Variants in B3GALNT2 observed in about 807,000 individuals in gnomAD.
B3GALNT2 encodes beta-1,3-N-acetylgalactosaminyltransferase 2.
B3GALNT2 carries 53 observed loss-of-function variants against 61.1 expected under a neutral mutation model. The ratio of observed to expected loss-of-function variants is 0.87; its 90% CI spans 0.70 to 1.09. B3GALNT2 has a LOEUF of 1.09. Ranked by LOEUF, B3GALNT2 falls within the 50% of genes least tolerant of loss-of-function variation. B3GALNT2 has a pLI of 0.00. For missense variants in B3GALNT2, 544 were observed against 623.0 expected (o/e 0.87, Z 1.35); for synonymous variants, 223 against 237.4 (o/e 0.94, Z 0.56).
chr1:235,455,463 T>C (rs1044554975), intron 9 of B3GALNT2, 96 bp downstream of exon 9: 5 of 1,348,286 alleles, frequency 3.7e-6, no homozygotes, highest in Non-Finnish European at 5.1e-6. Flanking sequence ...ATTGTATATC[T>C]CAACCACATT....
Position 235,489,159 on chromosome 1 carries a change from A to C in B3GALNT2, c.361+9T>G. 6.2e-7 allele frequency: 1 copy of C among 1,613,416 alleles called. No individual in the cohort carries two copies. The highest frequency in any genetic ancestry group is 2.2e-5 in the East Asian group (1 of 44,880). Reference sequence around the variant, plus strand: ...TTGTGTATGGCAGTCAAGGGAAAAGATGACTTACCTGGATTTGTGATGTTG... The same window carrying C: ...TTGTGTATGGCAGTCAAGGGAAAAGCTGACTTACCTGGATTTGTGATGTTG... On this transcript the variant is annotated intron_variant, in intron 3 of 11. Transcript: ENST00000366600.
intron 7 of B3GALNT2, among the ~76,000 whole-genome samples, chr1:235,461,662 G>A (rs1015708069): frequency 7.9e-5 from 12 of 151,792 alleles, no homozygotes; most frequent in Non-Finnish European, 2.9e-5. Context: ...GATTACAGGC[G>A]TGCGCCACCA....
At position 235,469,719 on chromosome 1, in the gene B3GALNT2, A is replaced by ATT. The variant is rs34811873; in HGVS notation, c.762+1129_762+1130dup. 7.7e-4 allele frequency among the ~76,000 whole-genome samples: 110 copies of ATT among 142,656 alleles called. 2 individuals are homozygous for ATT. The highest frequency in any genetic ancestry group is 6.4e-4 in the Admixed American group (9 of 14,148). The allele number at this position is 142,656 out of a possible 152,430, so 93.6% of individuals were successfully genotyped here. On this transcript the variant is annotated intron_variant, in intron 6 of 11. Transcript: ENST00000366600. ...AGGCATGCACCACCAGGCCCAGCTA[A>ATT]TTTTTTTTTTTTTTGGATTTTTAGT...
chr1:235,440,184 A>T, the B3GALNT2 span, among the ~76,000 whole-genome samples: 1 of 151,710 alleles, frequency 6.6e-6, no homozygotes, highest in Non-Finnish European at 1.5e-5. Flanking sequence ...GTTAGCCAGG[A>T]TGGTCTCGAT....
At chr1:235,484,589 G>A (rs1184698391) in intron 3 of B3GALNT2, 74 bp from the exon 4 acceptor site, 45 of 1,456,400 alleles carry the variant, frequency 3.1e-5, no homozygotes, top group Non-Finnish European at 3.9e-5. Context: ...GTAGTGAAGT[G>A]GGCTTAATGC....
At chr1:235,458,329 G>A (rs537410180) in intron 8 of B3GALNT2, among the ~76,000 whole-genome samples, 1 of 152,244 alleles carries the variant, frequency 6.6e-6, no homozygotes, top group East Asian at 1.9e-4. Context: ...GGTGCTCAGT[G>A]TCCTTAGGTT....
intron 3 of B3GALNT2, among the ~76,000 whole-genome samples, chr1:235,488,828 T>G (rs1572547181): frequency 1.3e-5 from 2 of 150,508 alleles, no homozygotes; most frequent in Non-Finnish European, 1.5e-5. Context: ...CTGAGGCTGG[T>G]GGATCCCTTG....
intron 2 of B3GALNT2, among the ~76,000 whole-genome samples, chr1:235,491,898 C>G (rs1404604088): frequency 6.6e-6 from 1 of 152,148 alleles, no homozygotes; most frequent in Non-Finnish European, 1.5e-5. Flanking sequence ...CTTCCCCCAC[C>G]ACCACAAGCC....
Position 235,504,335 on chromosome 1 carries a change from C to T in B3GALNT2, c.-83G>A. On this transcript the variant is annotated 5_prime_UTR_variant, in exon 1 of 12. Transcript: ENST00000366600. ...TGCAAGTGCGGAGACTGAGGGGCGG[C>T]GGCTGACGAGCGACCACTCCGAGCA... 7.1e-7 allele frequency: 1 copy of T among 1,402,526 alleles called. No homozygotes were observed. Among genetic ancestry groups the T allele is most frequent in the South Asian group, 1.4e-5 (1 of 72,574 alleles). 86.9% of individuals were successfully genotyped at this position (1,402,526 alleles called of 1,614,324 possible). A position where few individuals can be genotyped will look rare whatever the true frequency, so the allele number is the denominator to read the frequency against.
At chr1:235,463,733 A>G (rs1038372817) in intron 7 of B3GALNT2, 2 of 151,684 alleles carry the variant, frequency 1.3e-5, no homozygotes, top group African/African-American at 4.8e-5. Context: ...TGCCTGGCTA[A>G]TTTTTTTGTA....
At chr1:235,467,525 C>T (rs1683762406) in intron 6 of B3GALNT2, among the ~76,000 whole-genome samples, 1 of 150,982 alleles carries the variant, frequency 6.6e-6, no homozygotes, top group Admixed American at 6.6e-5. Context: ...GCTCTTGTCC[C>T]CCAGGCTGGA....
rs532626794 is a variant in B3GALNT2, at chr1:235,454,434, A to G, written c.1152-119T>C. ...AAGCTTGTAGAAGTGAGGAAAGAAA[A>G]TAAGAAAATTTCTTTTTTTTTGAGA... On this transcript the variant is annotated intron_variant, in intron 9 of 11. Coordinates refer to ENST00000366600, the MANE Select transcript of B3GALNT2 (RefSeq NM_152490.5). 4 of 1,083,024 alleles carry G rather than the reference A, an allele frequency of 3.7e-6. No homozygotes were observed. The Admixed American group carries it at 1.2e-4, about 33-fold the overall frequency. The allele number at this position is 1,083,024 out of a possible 1,614,324, so 67.1% of individuals were successfully genotyped here. A position where few individuals can be genotyped will look rare whatever the true frequency, so the allele number is the denominator to read the frequency against.
downstream of B3GALNT2, among the ~76,000 whole-genome samples, chr1:235,443,979 G>C (rs1682072279): frequency 6.6e-6 from 1 of 152,160 alleles, no homozygotes; most frequent in Non-Finnish European, 1.5e-5. Context: ...TTGATTCATA[G>C]CTAAATGCTA....
At chr1:235,488,814 G>A (rs976094012) in intron 3 of B3GALNT2, among the ~76,000 whole-genome samples, 1 of 151,790 alleles carries the variant, frequency 6.6e-6, no homozygotes, top group African/African-American at 2.4e-5. Flanking sequence ...AGTGCTTTGG[G>A]ATGCTGAGGC....
chr1:235,465,604 T>G (rs748079013), intron 7 of B3GALNT2, 32 bp downstream of exon 7: 51 of 1,611,758 alleles, frequency 3.2e-5, no homozygotes, highest in Non-Finnish European at 3.9e-5. Context: ...AGACATTCAG[T>G]GTACTTTTCA....
chr1:235,450,435 G>A lies in B3GALNT2; in HGVS notation c.1369-95C>T, dbSNP rs1438246478. On this transcript the variant is annotated intron_variant, in intron 11 of 11. Coordinates refer to ENST00000366600, the MANE Select transcript of B3GALNT2 (RefSeq NM_152490.5). ...GTAGACAGCTTTTATGTATTCTAAT[G>A]ATGCTGAAATTATTTCAAGGATAAC... 4.6e-5 allele frequency: 65 copies of A among 1,404,336 alleles called. No homozygotes were observed. In the Admixed American group the frequency reaches 1.2e-3, roughly 26 times the overall value. 87.0% of individuals were successfully genotyped at this position (1,404,336 alleles called of 1,614,324 possible).
At chr1:235,476,938 T>C (rs1472008979) in intron 5 of B3GALNT2, among the ~76,000 whole-genome samples, 1 of 150,726 alleles carries the variant, frequency 6.6e-6, no homozygotes, top group Non-Finnish European at 1.5e-5. Flanking sequence ...GGTAGGAGAA[T>C]CATTTGAGCC....
chr1:235,480,758 T>A (rs1170048948), intron 4 of B3GALNT2, among the ~76,000 whole-genome samples: 3 of 151,368 alleles, frequency 2.0e-5, no homozygotes, highest in Non-Finnish European at 4.4e-5. Context: ...ATACAAAAAT[T>A]AGCTGGGTGT....
chr1:235,495,212 T>C (rs1685261988), intron 1 of B3GALNT2, among the ~76,000 whole-genome samples: 2 of 152,240 alleles, frequency 1.3e-5, no homozygotes, highest in Admixed American at 1.3e-4. Flanking sequence ...TTATTTAGCT[T>C]CTTGAGCCTC....
Sources: gnomAD v4.1 joint callset for allele counts (sites outside exome capture counted in the v4.1 genomes callset) on GRCh38, gnomAD v4.1.1 for gene constraint, MANE v1.5 for transcripts, NCBI Gene and HGNC (gene_info 2026-07-23, HGNC 2026-07-21) for gene names.